Variants in SAE1 observed in about 807,000 individuals in gnomAD.
SAE1 encodes SUMO1 activating enzyme subunit 1, also known as SUMO-activating enzyme subunit 1.
In SAE1, 11 loss-of-function variants were observed where a neutral mutation model predicts 40.6. That is an observed-to-expected ratio of 0.27 (90% CI 0.17 to 0.45). The LOEUF (loss-of-function observed/expected upper bound fraction) is 0.45, where lower values mean the gene tolerates loss of function less well. Ranked by LOEUF, SAE1 falls within the 20% of genes least tolerant of loss-of-function variation. The pLI is 1.00. For synonymous variants in SAE1, 155 were observed against 154.3 expected (o/e 1.00, Z -0.03); for missense variants, 373 against 427.3 (o/e 0.87, Z 1.12).
chr19:47,185,506 G>C (rs767428204), intron 6 of SAE1, among the ~76,000 whole-genome samples: 1 of 151,434 alleles, frequency 6.6e-6, no homozygotes, highest in Non-Finnish European at 1.5e-5. Flanking sequence ...AGGTTTCACC[G>C]TGTTGGCCAG....
intron 7 of SAE1, among the ~76,000 whole-genome samples, chr19:47,202,962 G>A (rs1378412949): frequency 1.3e-5 from 2 of 152,198 alleles, no homozygotes; most frequent in Non-Finnish European, 2.9e-5. Context: ...AGGTAGTTCT[G>A]TAGGGAGGCT....
At chr19:47,209,093 AT>A (rs145110288) in intron 8 of SAE1, 65 bp from the exon 9 acceptor site, 119 of 1,516,130 alleles carry the variant, frequency 7.8e-5, no homozygotes, top group South Asian at 1.3e-4. Context: ...TGCTTTTAGA[AT>A]TTTTTTTTCC....
At chr19:47,142,982 AGG>A (rs2058231437) in intron 1 of SAE1, among the ~76,000 whole-genome samples, 1 of 152,186 alleles carries the variant, frequency 6.6e-6, no homozygotes, top group Non-Finnish European at 1.5e-5. Flanking sequence ...ACACCATAGA[AGG>A]ATGCCTGGCA....
chr19:47,167,870 A>C (rs928619481), intron 5 of SAE1, among the ~76,000 whole-genome samples: 10 of 152,066 alleles, frequency 6.6e-5, no homozygotes, highest in Non-Finnish European at 1.5e-4. Flanking sequence ...GGCTATCTTA[A>C]ACTTCTTAAG....
At chr19:47,158,108 A>G (rs992574814) in intron 5 of SAE1, among the ~76,000 whole-genome samples, 1 of 152,066 alleles carries the variant, frequency 6.6e-6, no homozygotes, top group Non-Finnish European at 1.5e-5. Flanking sequence ...GGAAGCAGCT[A>G]CTTCCTGTTT....
At chr19:47,183,906 G>A (rs1010419865) in intron 6 of SAE1, among the ~76,000 whole-genome samples, 1 of 152,224 alleles carries the variant, frequency 6.6e-6, no homozygotes, top group Non-Finnish European at 1.5e-5. Flanking sequence ...TCTGAATGTA[G>A]AGGGCTCTGT....
chr19:47,168,173 C>CTGTCT (rs2058406528), intron 5 of SAE1, among the ~76,000 whole-genome samples: 1 of 151,682 alleles, frequency 6.6e-6, no homozygotes, highest in Non-Finnish European at 1.5e-5. Context: ...GCCTGGGTGA[C>CTGTCT]AGAGGGGGAG....
At chr19:47,183,765 G>A (rs917031342) in intron 6 of SAE1, among the ~76,000 whole-genome samples, 4 of 152,202 alleles carry the variant, frequency 2.6e-5, no homozygotes, top group Non-Finnish European at 5.9e-5. Context: ...GGAATGTCCT[G>A]TGCCATCTTC....
At chr19:47,204,503 C>A (rs1187951916) in intron 8 of SAE1, among the ~76,000 whole-genome samples, 2 of 139,810 alleles carry the variant, frequency 1.4e-5, no homozygotes, top group Admixed American at 7.1e-5. Flanking sequence ...CAGCCGCACC[C>A]CCCCCCTTTT....
At chr19:47,140,805 A>G (rs754424591) in intron 1 of SAE1, among the ~76,000 whole-genome samples, 21 of 152,102 alleles carry the variant, frequency 1.4e-4, no homozygotes, top group Non-Finnish European at 2.2e-4. Flanking sequence ...CAATAAAACA[A>G]AACGTAAACA....
intron 7 of SAE1, among the ~76,000 whole-genome samples, chr19:47,202,683 G>A (rs1354421892): frequency 6.6e-6 from 1 of 151,714 alleles, no homozygotes; most frequent in African/African-American, 2.4e-5. Context: ...GGAGGCCGAG[G>A]CGGGCGGATC....
At chr19:47,150,855 C>T (rs1247335355) in intron 3 of SAE1, among the ~76,000 whole-genome samples, 1 of 152,196 alleles carries the variant, frequency 6.6e-6, no homozygotes, top group Non-Finnish European at 1.5e-5. Flanking sequence ...GTCTGTTTCT[C>T]ACAGTCACAT....
At chr19:47,194,240 T>C (rs1055254183) in intron 6 of SAE1, among the ~76,000 whole-genome samples, 7 of 152,192 alleles carry the variant, frequency 4.6e-5, no homozygotes, top group Non-Finnish European at 7.3e-5. Context: ...AGTGAATGAA[T>C]TCTACTTAGA....
chr19:47,195,739 T>C (rs1272526365), intron 6 of SAE1, among the ~76,000 whole-genome samples: 4 of 110,434 alleles, frequency 3.6e-5, no homozygotes, highest in Admixed American at 8.8e-5. Context: ...TTTTCTTCTT[T>C]TTTTTTTTTT....
intron 8 of SAE1, among the ~76,000 whole-genome samples, chr19:47,204,195 T>G: frequency 7.5e-6 from 1 of 132,460 alleles, no homozygotes; most frequent in African/African-American, 2.9e-5. Flanking sequence ...CCCTTTTTTT[T>G]TTTTTTTTTT....
intron 1 of SAE1, among the ~76,000 whole-genome samples, chr19:47,137,607 C>T (rs1380928046): frequency 1.3e-5 from 2 of 152,026 alleles, no homozygotes; most frequent in East Asian, 3.9e-4. Flanking sequence ...AAGGGATTCT[C>T]CCGCCTCAGC....
chr19:47,170,787 G>A (rs1412518428), intron 6 of SAE1, among the ~76,000 whole-genome samples: 1 of 152,132 alleles, frequency 6.6e-6, no homozygotes, highest in East Asian at 1.9e-4. Context: ...AGTTAAAGGC[G>A]TAAGCCACCA....
chr19:47,192,058 A>G (rs1600206715), intron 6 of SAE1, among the ~76,000 whole-genome samples: 1 of 151,572 alleles, frequency 6.6e-6, no homozygotes, highest in South Asian at 2.1e-4. Flanking sequence ...TGTCTCAAAA[A>G]AAAAAAAAGA....
chr19:47,162,769 T>G (rs913298508), intron 5 of SAE1, among the ~76,000 whole-genome samples: 4 of 152,108 alleles, frequency 2.6e-5, no homozygotes. Context: ...AGTGGGCACA[T>G]CACTTGAGCC....
Sources: gnomAD v4.1 joint callset for allele counts (sites outside exome capture counted in the v4.1 genomes callset) on GRCh38, gnomAD v4.1.1 for gene constraint, MANE v1.5 for transcripts, NCBI Gene and HGNC (gene_info 2026-07-23, HGNC 2026-07-21) for gene names.